The following PDLIM1 variants were observed in gnomAD, a reference collection of about 807,000 sequenced individuals.
The protein encoded by PDLIM1 is PDZ and LIM domain protein 1.
PDLIM1 carries 25 observed loss-of-function variants against 35.2 expected under a neutral mutation model. That is an observed-to-expected ratio of 0.71 (90% confidence interval 0.52 to 0.99). The LOEUF (loss-of-function observed/expected upper bound fraction) is 0.99, where lower values mean the gene tolerates loss of function less well. Among genes scored for constraint, PDLIM1 ranks in the 50% least tolerant of loss-of-function variants. The pLI, the probability that PDLIM1 is intolerant of heterozygous loss-of-function variation, is 0.00. For synonymous variants in PDLIM1, 152 were observed against 154.0 expected (o/e 0.99, Z 0.10); for missense variants, 363 against 415.3 (o/e 0.87, Z 1.09).
chr10:95,265,169 T>TC (rs1346021601), intron 3 of PDLIM1, among the ~76,000 whole-genome samples: 1 of 152,080 alleles, frequency 6.6e-6, no homozygotes, highest in Admixed American at 6.5e-5. Context: ...CTTCCTTTTT[T>TC]CTCTCCTTTT....
At chr10:95,251,809 A>C (rs914060051) in intron 4 of PDLIM1, among the ~76,000 whole-genome samples, 1 of 152,084 alleles carries the variant, frequency 6.6e-6, no homozygotes, top group Non-Finnish European at 1.5e-5. Flanking sequence ...ACATGAGAAG[A>C]CTCTGACAGG....
chr10:95,290,897 C>CT lies in PDLIM1; in HGVS notation c.18dup (p.Asp7ArgfsTer37), dbSNP rs1375517070. Reference sequence around the variant, plus strand: ...CCCCACGGCCCCGGGCCCTGGAGGTCTATCTGCTGGGTGGTCATGGCGCGG... The same window carrying CT: ...CCCCACGGCCCCGGGCCCTGGAGGTCTTATCTGCTGGGTGGTCATGGCGCGG... On this transcript the variant is annotated frameshift_variant, in exon 1 of 7. Coordinates refer to ENST00000329399, the MANE Select transcript of PDLIM1 (RefSeq NM_020992.4). LOFTEE classifies it high-confidence loss of function. The surrounding 1 kb of genome is among the most constrained non-coding windows in gnomAD (Gnocchi z 4.7). The CT allele has an allele frequency of 3.2e-6, 5 of 1,561,910 alleles. No homozygotes were observed. The African/African-American group carries it at 7.0e-5, about 22-fold the overall frequency.
intron 1 of PDLIM1, among the ~76,000 whole-genome samples, chr10:95,284,229 C>A (rs530565613): frequency 6.6e-6 from 1 of 152,250 alleles, no homozygotes; most frequent in Non-Finnish European, 1.5e-5. Context: ...GACTATTTAA[C>A]TAGGAGAACT....
chr10:95,260,156 T>C (rs537455066), intron 4 of PDLIM1, among the ~76,000 whole-genome samples: 1 of 152,368 alleles, frequency 6.6e-6, no homozygotes, highest in East Asian at 1.9e-4. Flanking sequence ...GCACATCCCA[T>C]TGCATTGTCT....
At chr10:95,258,924 T>C (rs938363610) in intron 4 of PDLIM1, among the ~76,000 whole-genome samples, 4 of 152,152 alleles carry the variant, frequency 2.6e-5, no homozygotes, top group African/African-American at 2.4e-5. Flanking sequence ...CCAGACAATA[T>C]ACTGAGTAGA....
chr10:95,245,018 G>C (rs968174965), intron 5 of PDLIM1, among the ~76,000 whole-genome samples: 1 of 152,182 alleles, frequency 6.6e-6, no homozygotes, highest in Non-Finnish European at 1.5e-5. Context: ...GATTTAATGC[G>C]GGTACACAGT....
Position 95,290,784 on chromosome 10 carries a change from G to C in PDLIM1, c.96+36C>G. ...CAGTCTCCGCATATCACCTCCCATA[G>C]CGCCCCGCTTCCACGCACGTCCCAG... is the stretch of plus-strand genomic sequence containing the variant. On this transcript the variant is annotated intron_variant, in intron 1 of 6. Coordinates refer to ENST00000329399, the MANE Select transcript of PDLIM1 (RefSeq NM_020992.4). The surrounding 1 kb of genome is among the most constrained non-coding windows in gnomAD (Gnocchi z 4.7). 6.9e-7 allele frequency: 1 copy of C among 1,452,568 alleles called. No homozygotes were observed. The highest frequency in any genetic ancestry group is 9.3e-7 in the Non-Finnish European group (1 of 1,070,348). 90.0% of individuals were successfully genotyped at this position (1,452,568 alleles called of 1,614,324 possible). A position where few individuals can be genotyped will look rare whatever the true frequency, so the allele number is the denominator to read the frequency against.
chr10:95,278,295 T>C lies in PDLIM1; in HGVS notation c.97-6511A>G, dbSNP rs1260048739. Among the ~76,000 whole-genome samples, 5 of 152,350 alleles carry C rather than the reference T, an allele frequency of 3.3e-5. No homozygotes were observed. In the East Asian group the frequency reaches 9.6e-4, roughly 29 times the overall value. Reference sequence around the variant, plus strand: ...AAGAACAGCTTTGACATCAGAAGGCTGTTGCGAGGATTACATTAGGCAATT... The same window carrying C: ...AAGAACAGCTTTGACATCAGAAGGCCGTTGCGAGGATTACATTAGGCAATT... On this transcript the variant is annotated intron_variant, in intron 1 of 6. Coordinates refer to ENST00000329399, the MANE Select transcript of PDLIM1 (RefSeq NM_020992.4).
intron 4 of PDLIM1, among the ~76,000 whole-genome samples, chr10:95,248,462 G>T (rs2035241454): frequency 1.3e-5 from 2 of 152,108 alleles, no homozygotes; most frequent in African/African-American, 4.8e-5. Context: ...TGCCCAGGCT[G>T]GTCTCAAAGT....
chr10:95,242,910 G>A (rs1196083339), intron 5 of PDLIM1, among the ~76,000 whole-genome samples: 1 of 151,948 alleles, frequency 6.6e-6, no homozygotes, highest in Non-Finnish European at 1.5e-5. Flanking sequence ...GTTTGCAAAG[G>A]CACTGATTGG....
In PDLIM1 at chr10:95,271,626, G is replaced by C. The variant is rs767761127; in HGVS notation, c.248+7C>G. 1.3e-6 allele frequency: 2 copies of C among 1,589,272 alleles called. No individual in the cohort carries two copies. Among genetic ancestry groups the C allele is most frequent in the African/African-American group, 2.7e-5 (2 of 73,384 alleles). ...AGAAATGAACAAAACGTTTCCATAGGCTTCACCTGGCTACAGTGAGAGTCA... is the reference window on the plus strand; with the variant it reads ...AGAAATGAACAAAACGTTTCCATAGCCTTCACCTGGCTACAGTGAGAGTCA... On this transcript the variant is annotated splice_region_variant and intron_variant, in intron 2 of 6. Coordinates refer to ENST00000329399, the MANE Select transcript of PDLIM1 (RefSeq NM_020992.4).
chr10:95,244,262 G>A (rs11596853), intron 5 of PDLIM1, among the ~76,000 whole-genome samples: 50,244 of 152,086 alleles, frequency 0.33, 9,068 homozygotes, highest in South Asian at 0.42. Flanking sequence ...GCTTGTGTTG[G>A]GTCTTCAAGG....
intron 1 of PDLIM1, among the ~76,000 whole-genome samples, chr10:95,277,642 A>G (rs2035524168): frequency 6.6e-6 from 1 of 151,774 alleles, no homozygotes; most frequent in Non-Finnish European, 1.5e-5. Flanking sequence ...GAATGTCTAA[A>G]AATAAAATAA....
At chr10:95,260,794 A>C (rs1433358431) in intron 4 of PDLIM1, among the ~76,000 whole-genome samples, 1 of 152,250 alleles carries the variant, frequency 6.6e-6, no homozygotes, top group East Asian at 1.9e-4. Flanking sequence ...AATTTCACAG[A>C]CTAAACAGTG....
intron 2 of PDLIM1, among the ~76,000 whole-genome samples, chr10:95,270,486 G>C (rs1247139441): frequency 2.6e-5 from 4 of 152,180 alleles, no homozygotes; most frequent in African/African-American, 9.6e-5. Flanking sequence ...GGAGCCAACT[G>C]AGGGTTGAAC....
intron 2 of PDLIM1, among the ~76,000 whole-genome samples, chr10:95,270,156 G>A (rs527465485): frequency 3.3e-5 from 5 of 152,030 alleles, no homozygotes; most frequent in South Asian, 4.2e-4. Flanking sequence ...TCCTGAACTC[G>A]GGCTTGAAGG....
intron 4 of PDLIM1, among the ~76,000 whole-genome samples, chr10:95,263,528 G>A (rs528917884): frequency 2.0e-4 from 30 of 152,316 alleles, no homozygotes; most frequent in South Asian, 1.0e-3. Context: ...TCGGGAAGCA[G>A]CAGGCCTGTC....
chr10:95,250,269 C>T (rs1275677396), intron 4 of PDLIM1, among the ~76,000 whole-genome samples: 1 of 151,140 alleles, frequency 6.6e-6, no homozygotes, highest in Non-Finnish European at 1.5e-5. Flanking sequence ...ACCAATGGAA[C>T]ACACCAAAAA....
chr10:95,258,608 G>T (rs1334676115), intron 4 of PDLIM1, among the ~76,000 whole-genome samples: 3 of 152,154 alleles, frequency 2.0e-5, no homozygotes, highest in Non-Finnish European at 2.9e-5. Context: ...CCAATTATAT[G>T]AGATATCTAA....
Sources: gnomAD v4.1 joint callset for allele counts (sites outside exome capture counted in the v4.1 genomes callset) on GRCh38, gnomAD v4.1.1 for gene constraint, Gnocchi (gnomAD v3.1) non-coding constraint, MANE v1.5 for transcripts, NCBI Gene and HGNC (gene_info 2026-07-23, HGNC 2026-07-21) for gene names.